SLC17A4: variants seen among roughly 807,000 people sequenced by gnomAD.
The protein encoded by SLC17A4 is solute carrier family 17 member 4.
A neutral mutation model predicts 52.5 loss-of-function variants in SLC17A4; 33 were observed. That is an observed-to-expected ratio of 0.63 (90% CI 0.48 to 0.84). The LOEUF is 0.84. Ranked by LOEUF, SLC17A4 falls within the 40% of genes least tolerant of loss-of-function variation. The pLI is 0.00. For missense variants in SLC17A4, 585 were observed against 597.1 expected (o/e 0.98, Z 0.21); for synonymous variants, 225 against 216.2 (o/e 1.04, Z -0.36).
intron 11 of SLC17A4, among the ~76,000 whole-genome samples, chr6:25,778,800 A>C (rs1272172887): frequency 6.6e-6 from 1 of 152,194 alleles, no homozygotes; most frequent in Non-Finnish European, 1.5e-5. Flanking sequence ...AAGAACACTT[A>C]AGCAAGGACT....
At chr6:25,758,200 C>T (rs1761188708) in intron 1 of SLC17A4, among the ~76,000 whole-genome samples, 1 of 152,140 alleles carries the variant, frequency 6.6e-6, no homozygotes. Context: ...ATGTCAAGCT[C>T]CCTGAATGAC....
In SLC17A4 at chr6:25,779,315, T is replaced by C. The variant is rs1181723968; in HGVS notation, c.*127T>C. 6.8e-6 allele frequency: 9 copies of C among 1,328,734 alleles called. No homozygotes were observed. In the East Asian group the frequency reaches 1.9e-4, roughly 29 times the overall value. 82.3% of individuals were successfully genotyped at this position (1,328,734 alleles called of 1,614,324 possible). On this transcript the variant is annotated 3_prime_UTR_variant, in exon 12 of 12. Transcript: ENST00000377905. The stretch of plus-strand genomic sequence containing the variant: ...GACCCTGACTATGTAACGCTAAAGA[T>C]TTTACCATGCCTGGAAATTTTACAG...
intron 2 of SLC17A4, among the ~76,000 whole-genome samples, chr6:25,764,680 G>A (rs1170636193): frequency 6.6e-6 from 1 of 152,172 alleles, no homozygotes; most frequent in African/African-American, 2.4e-5. Context: ...GAGTGGCAGT[G>A]TCCAGAAGCT....
chr6:25,757,335 C>T (rs1761107621), intron 1 of SLC17A4, among the ~76,000 whole-genome samples: 1 of 152,134 alleles, frequency 6.6e-6, no homozygotes, highest in Non-Finnish European at 1.5e-5. Flanking sequence ...TCACCAGCAC[C>T]TACTGCTTAT....
chr6:25,775,157 C>A (rs1180959975), intron 8 of SLC17A4, among the ~76,000 whole-genome samples: 17 of 151,836 alleles, frequency 1.1e-4, no homozygotes, highest in Non-Finnish European at 2.2e-4. Context: ...TGGTGAACCC[C>A]CTGTCTCTAC....
In SLC17A4 at chr6:25,773,637, C is replaced by A. The variant is rs770658186; in HGVS notation, c.950C>A (p.Thr317Lys). The change falls in exon 8 of 12, where the codon ACG (threonine) becomes AAG (lysine). Residue 317 changes from threonine (T) to lysine (K), a missense_variant. Coordinates refer to ENST00000377905, the MANE Select transcript of SLC17A4 (RefSeq NM_005495.3). Reference sequence around the variant, plus strand: ...TATACCATTATGGCGTACACACCAACGTACATCAGCTCGGTACTTCAAGCC... The same window carrying A: ...TATACCATTATGGCGTACACACCAAAGTACATCAGCTCGGTACTTCAAGCC... ...LFYTIMAYTP[T>K]YISSVLQANL... The A allele has an allele frequency of 4.2e-5, 67 of 1,613,678 alleles. No homozygotes were observed. Among genetic ancestry groups the A allele is most frequent in the Middle Eastern group, 1.6e-4 (1 of 6,076 alleles).
Position 25,781,192 on chromosome 6 carries a change from G to GA in SLC17A4, c.*2007dup, listed in dbSNP as rs1407210470. 222 of 127,154 alleles carry GA rather than the reference G, an allele frequency of 1.7e-3. No individual in the cohort carries two copies. The highest frequency in any genetic ancestry group is 6.2e-3 in the African/African-American group (205 of 33,264). The allele number at this position is 127,154 out of a possible 1,614,324, so 7.9% of individuals were successfully genotyped here. A position where few individuals can be genotyped will look rare whatever the true frequency, so the allele number is the denominator to read the frequency against. On this transcript the variant is annotated 3_prime_UTR_variant, in exon 12 of 12. Transcript: ENST00000377905. ...TGATTAGCAGAAAGAAAGAAAGAAA[G>GA]AAAGAAAGAAAAGAAAGAGAGAGAG...
chr6:25,768,175 C>T lies in SLC17A4; in HGVS notation c.92-810C>T, dbSNP rs530775792. The stretch of plus-strand genomic sequence containing the variant: ...TTGGGGATGGGGAACTAAATGCTCT[C>T]AGAGTTGAACCAAAGGTAAGAGCTA... On this transcript the variant is annotated intron_variant, in intron 2 of 11. Coordinates refer to ENST00000377905, the MANE Select transcript of SLC17A4 (RefSeq NM_005495.3). Among the ~76,000 whole-genome samples the T allele has an allele frequency of 3.3e-5, 5 of 152,274 alleles. No individual in the cohort carries two copies. In the South Asian group the frequency reaches 1.0e-3, roughly 32 times the overall value.
chr6:25,768,896 ACAGATACCAAT>A, intron 2 of SLC17A4, 78 bp from the exon 3 acceptor site: 1 of 1,208,832 alleles, frequency 8.3e-7, no homozygotes, highest in Non-Finnish European at 1.2e-6. Context: ...TGCATCTCAG[ACAGATACCAAT>A]CTTCTCCTTC....
chr6:25,764,592 C>T (rs778697605), intron 2 of SLC17A4, among the ~76,000 whole-genome samples: 4 of 152,214 alleles, frequency 2.6e-5, no homozygotes, highest in Non-Finnish European at 4.4e-5. Flanking sequence ...ATAAAACTCC[C>T]ATCCTTGAGG....
intron 11 of SLC17A4, among the ~76,000 whole-genome samples, chr6:25,778,323 GA>G (rs1763110552): frequency 6.6e-6 from 1 of 151,328 alleles, no homozygotes; most frequent in Non-Finnish European, 1.5e-5. Flanking sequence ...GAAAGTTAAA[GA>G]ATGACTTTCC....
In SLC17A4 at chr6:25,777,990, A is replaced by C. The variant is rs1399205248; in HGVS notation, c.1333A>C (p.Thr445Pro). 2.5e-6 allele frequency: 4 copies of C among 1,612,630 alleles called. No homozygotes were observed. Among genetic ancestry groups the C allele is most frequent in the Non-Finnish European group, 3.4e-6 (4 of 1,179,610 alleles). Reference sequence around the variant, plus strand: ...ACACATAGCTGGAGCCATCTCTCCTACTGCTGCTGGATTTTTCATCAGTCA... The same window carrying C: ...ACACATAGCTGGAGCCATCTCTCCTCCTGCTGCTGGATTTTTCATCAGTCA... The part of the protein sequence containing the change: ...FAHIAGAISP[T>P]AAGFFISQDS... The change falls in exon 11 of 12, where the codon ACT becomes CCT. Residue 445 changes from threonine to proline, a missense_variant. Coordinates refer to ENST00000377905, the MANE Select transcript of SLC17A4 (RefSeq NM_005495.3).
At chr6:25,756,188 T>A (rs1458266489) in intron 1 of SLC17A4, among the ~76,000 whole-genome samples, 2 of 152,106 alleles carry the variant, frequency 1.3e-5, no homozygotes, top group South Asian at 4.2e-4. Context: ...ATCGAGACCA[T>A]CCTGCCCACC....
intron 1 of SLC17A4, among the ~76,000 whole-genome samples, chr6:25,757,829 C>G (rs1277087181): frequency 6.6e-6 from 1 of 152,202 alleles, no homozygotes; most frequent in Non-Finnish European, 1.5e-5. Context: ...CCAGTCCTCC[C>G]ATGTCAGGGG....
In SLC17A4 at chr6:25,776,724, A is replaced by G; in HGVS notation, c.1117A>G (p.Ile373Val). Residue 373 changes from isoleucine to valine, a missense_variant, in exon 9 of 12, where the codon ATT (isoleucine) becomes GTT (valine). Ile to Val is a conservative substitution (Grantham distance 29). Coordinates refer to ENST00000377905, the MANE Select transcript of SLC17A4 (RefSeq NM_005495.3). ...CACCATCAGGAAACTCTTCACTGCC[A>G]TTGGTAAGGGAGAGACTGGACACAG... Reference protein sequence around the residue: ...LITIRKLFTAIGVLFPSVILV... With the variant: ...LITIRKLFTAVGVLFPSVILV... The G allele has an allele frequency of 6.2e-7, 1 of 1,613,948 alleles. No homozygotes were observed. Among genetic ancestry groups the G allele is most frequent in the East Asian group, 2.2e-5 (1 of 44,858 alleles).
chr6:25,778,677 G>A (rs949473424), intron 11 of SLC17A4, among the ~76,000 whole-genome samples: 1 of 152,192 alleles, frequency 6.6e-6, no homozygotes, highest in African/African-American at 2.4e-5. Context: ...ATATTGAATG[G>A]TAACAGGAGA....
intron 6 of SLC17A4, among the ~76,000 whole-genome samples, chr6:25,772,833 T>C (rs1292292327): frequency 6.6e-6 from 1 of 152,186 alleles, no homozygotes; most frequent in African/African-American, 2.4e-5. Context: ...GTAAGGGTGC[T>C]ATAGCTTTAA....
chr6:25,780,385 A>C lies in SLC17A4; in HGVS notation c.*1197A>C, dbSNP rs1337913053. The C allele has an allele frequency of 1.3e-5, 2 of 152,234 alleles. No individual in the cohort carries two copies. Among genetic ancestry groups the C allele is most frequent in the African/African-American group, 4.8e-5 (2 of 41,462 alleles). 9.4% of individuals were successfully genotyped at this position (152,234 alleles called of 1,614,324 possible). ...ATGAGAGTGGATGATAAGTGCACTAATCTGAGTGTAAGGAAGGGCCACCCC... is the reference window on the plus strand; with the variant it reads ...ATGAGAGTGGATGATAAGTGCACTACTCTGAGTGTAAGGAAGGGCCACCCC... On this transcript the variant is annotated 3_prime_UTR_variant, in exon 12 of 12. Transcript: ENST00000377905.
intron 6 of SLC17A4, among the ~76,000 whole-genome samples, chr6:25,771,991 G>A (rs1385353540): frequency 3.3e-5 from 5 of 152,016 alleles, no homozygotes; most frequent in Non-Finnish European, 7.4e-5. Flanking sequence ...CTCCAAAATC[G>A]CACCCCTAAA....
Sources: gnomAD v4.1 joint callset for allele counts (sites outside exome capture counted in the v4.1 genomes callset) on GRCh38, gnomAD v4.1.1 for gene constraint, MANE v1.5 for transcripts, NCBI Gene and HGNC (gene_info 2026-07-23, HGNC 2026-07-21) for gene names.